The following PTPRD variants were observed in gnomAD, a reference collection of about 807,000 sequenced individuals.
The protein encoded by PTPRD is receptor-type tyrosine-protein phosphatase delta.
In PTPRD, 34 loss-of-function variants were observed where a neutral mutation model predicts 214.5. The ratio of observed to expected loss-of-function variants is 0.16; its 90% confidence interval spans 0.12 to 0.21. The LOEUF (loss-of-function observed/expected upper bound fraction) is 0.21. PTPRD is among the 10% of genes least tolerant of loss of function. PTPRD has a pLI of 1.00. For synonymous variants in PTPRD, 1,128 were observed against 845.7 expected (o/e 1.33, Z -5.79); for missense variants, 2,545 against 2,398.7 (o/e 1.06, Z -1.27).
chr9:9,140,954 C>T (rs114837671), intron 10 of PTPRD, among the ~76,000 whole-genome samples: 132 of 152,210 alleles, frequency 8.7e-4, no homozygotes, highest in African/African-American at 3.1e-3. Context: ...TCTCAATTTC[C>T]CCTGTGGTTA....
intron 4 of PTPRD, among the ~76,000 whole-genome samples, chr9:9,986,895 ATTT>A (rs5896358): frequency 0.71 from 105,900 of 148,504 alleles, 37,500 homozygotes; most frequent in Middle Eastern, 0.79. Context: ...TAGATTTCAT[ATTT>A]TTTTTTTACT....
At chr9:10,548,900 A>G (rs1306060460) in intron 2 of PTPRD, among the ~76,000 whole-genome samples, 1 of 152,176 alleles carries the variant, frequency 6.6e-6, no homozygotes, top group Non-Finnish European at 1.5e-5. Context: ...AATGTGCATA[A>G]AATTCTGGAT....
At chr9:10,610,226 G>T (rs116496109) in intron 2 of PTPRD, among the ~76,000 whole-genome samples, 147 of 152,200 alleles carry the variant, frequency 9.7e-4, no homozygotes, top group African/African-American at 3.5e-3. Flanking sequence ...TATAGAGACA[G>T]GGATCAAATG....
At chr9:9,506,969 G>A (rs1308398530) in intron 8 of PTPRD, among the ~76,000 whole-genome samples, 2 of 151,354 alleles carry the variant, frequency 1.3e-5, no homozygotes, top group Non-Finnish European at 3.0e-5. Flanking sequence ...GTTAAAGGAT[G>A]TACTCAAAGA....
intron 2 of PTPRD, among the ~76,000 whole-genome samples, chr9:10,540,766 G>C (rs1246673598): frequency 6.6e-6 from 1 of 152,084 alleles, no homozygotes; most frequent in East Asian, 1.9e-4. Context: ...TTGAAATTTG[G>C]CTTTGTTTAC....
chr9:9,811,010 G>A (rs1007090899), intron 5 of PTPRD, among the ~76,000 whole-genome samples: 1 of 152,008 alleles, frequency 6.6e-6, no homozygotes, highest in Non-Finnish European at 1.5e-5. Context: ...GGCCTAGACG[G>A]GAGAATCACT....
At chr9:9,083,224 A>C (rs1233384472) in intron 10 of PTPRD, among the ~76,000 whole-genome samples, 1 of 152,304 alleles carries the variant, frequency 6.6e-6, no homozygotes, top group Admixed American at 6.5e-5. Context: ...ATGGAACAGA[A>C]CCCAGGCCGC....
chr9:9,888,718 C>T (rs1340249793), intron 5 of PTPRD, among the ~76,000 whole-genome samples: 2 of 152,118 alleles, frequency 1.3e-5, no homozygotes, highest in African/African-American at 4.8e-5. Flanking sequence ...TCTCATATGG[C>T]TGAACCATGA....
At chr9:9,806,799 G>A (rs7041978) in intron 5 of PTPRD, among the ~76,000 whole-genome samples, 4,644 of 152,140 alleles carry the variant, frequency 0.031, 219 homozygotes, top group African/African-American at 0.11. Flanking sequence ...GCAAAATGGC[G>A]GGGTTTGACT....
intron 5 of PTPRD, among the ~76,000 whole-genome samples, chr9:9,925,652 A>G (rs2084019547): frequency 6.6e-6 from 1 of 152,042 alleles, no homozygotes; most frequent in African/African-American, 2.4e-5. Context: ...TACCTTACCT[A>G]CCTGCATAAC....
At chr9:8,847,323 G>A (rs1418081942) in intron 11 of PTPRD, among the ~76,000 whole-genome samples, 1 of 151,828 alleles carries the variant, frequency 6.6e-6, no homozygotes, top group African/African-American at 2.4e-5. Flanking sequence ...TAATTTATAA[G>A]TATTATTTTA....
At chr9:9,724,558 T>C (rs544164344) in intron 7 of PTPRD, among the ~76,000 whole-genome samples, 7 of 152,244 alleles carry the variant, frequency 4.6e-5, no homozygotes, top group Non-Finnish European at 1.0e-4. Context: ...AACTGTGAGG[T>C]CTTTACTCAA....
intron 6 of PTPRD, among the ~76,000 whole-genome samples, chr9:9,737,184 G>C (rs529678387): frequency 9.1e-4 from 139 of 152,126 alleles, no homozygotes; most frequent in African/African-American, 2.9e-3. Context: ...TATTAGTCAT[G>C]AATTCAGTAC....
At position 9,128,741 on chromosome 9, in the gene PTPRD, C is replaced by T. The variant is rs372370157; in HGVS notation, c.-143+54563G>A. ...TTAGATAAAAGTGGAGTTTAGGTTT[C>T]GTGTAAAAGACTAAATAAATTGTAG... On this transcript the variant is annotated intron_variant, in intron 10 of 45. Transcript: ENST00000381196. Among the ~76,000 whole-genome samples, 169 of 152,244 alleles carry T rather than the reference C, an allele frequency of 1.1e-3. 4 individuals are homozygous for T. The South Asian group carries it at 0.033, about 30-fold the overall frequency.
At chr9:10,202,529 C>T (rs1468305795) in intron 3 of PTPRD, among the ~76,000 whole-genome samples, 2 of 149,928 alleles carry the variant, frequency 1.3e-5, no homozygotes, top group Non-Finnish European at 3.0e-5. Context: ...TGATTGTTTG[C>T]ATTTCTTTTT....
intron 2 of PTPRD, among the ~76,000 whole-genome samples, chr9:10,386,515 G>A (rs2097916432): frequency 6.6e-6 from 1 of 151,814 alleles, no homozygotes; most frequent in Admixed American, 6.6e-5. Flanking sequence ...GAAAATGACA[G>A]GTCTAGTAAC....
chr9:8,787,226 T>C (rs2096018967), intron 11 of PTPRD, among the ~76,000 whole-genome samples: 1 of 152,192 alleles, frequency 6.6e-6, no homozygotes, highest in South Asian at 2.1e-4. Context: ...TAGACACTCA[T>C]GCTGCTTAAG....
At chr9:9,645,788 C>A (rs141475581) in intron 7 of PTPRD, among the ~76,000 whole-genome samples, 17 of 152,080 alleles carry the variant, frequency 1.1e-4, no homozygotes, top group African/African-American at 3.9e-4. Flanking sequence ...ATATCTTTAT[C>A]TTTCTCCTGA....
intron 8 of PTPRD, among the ~76,000 whole-genome samples, chr9:9,415,162 CAG>C (rs1162527934): frequency 6.6e-6 from 1 of 152,030 alleles, no homozygotes; most frequent in Non-Finnish European, 1.5e-5. Context: ...TAGAGAAAAA[CAG>C]GGGTTATGAG....
Sources: allele counts gnomAD v4.1 joint callset (sites outside exome capture counted in the v4.1 genomes callset), GRCh38; gene constraint gnomAD v4.1.1; transcripts MANE v1.5; gene names NCBI Gene and HGNC (gene_info 2026-07-23, HGNC 2026-07-21).